EFCAB7: variants seen among roughly 807,000 people sequenced by gnomAD.
The protein encoded by EFCAB7 is EF-hand calcium binding domain 7, also known as EF-hand calcium-binding domain-containing protein 7.
Under a neutral mutation model 77.1 loss-of-function variants are expected in EFCAB7, and 66 were observed. That is an observed-to-expected ratio of 0.86 (90% CI 0.70 to 1.05). EFCAB7 has a LOEUF of 1.05. Ranked by LOEUF, EFCAB7 falls within the 50% of genes least tolerant of loss-of-function variation. EFCAB7 has a pLI of 0.00. For synonymous variants in EFCAB7, 225 were observed against 243.3 expected (o/e 0.92, Z 0.70); for missense variants, 638 against 730.5 (o/e 0.87, Z 1.46).
At chr1:63,578,042 C>G in the EFCAB7 span, among the ~76,000 whole-genome samples, 1 of 152,054 alleles carries the variant, frequency 6.6e-6, no homozygotes, top group Non-Finnish European at 1.5e-5. Flanking sequence ...CTAAGTAGTA[C>G]TACACTAAAA....
At position 63,563,677 on chromosome 1, in the gene EFCAB7, G is replaced by A. The variant is rs542168847; in HGVS notation, c.1497+1820G>A. Among the ~76,000 whole-genome samples the A allele has an allele frequency of 9.3e-4, 142 of 152,234 alleles. 2 individuals are homozygous for A. Among genetic ancestry groups the A allele is most frequent in the African/African-American group, 3.2e-3 (132 of 41,556 alleles). On this transcript the variant is annotated intron_variant, in intron 11 of 13. Coordinates refer to ENST00000371088, the MANE Select transcript of EFCAB7 (RefSeq NM_032437.4). Reference sequence around the variant, plus strand: ...ACATAAGTGTGTTAATTGAAGTGGAGCTGTTCCTCATCAGTTGAACAGATT... The same window carrying A: ...ACATAAGTGTGTTAATTGAAGTGGAACTGTTCCTCATCAGTTGAACAGATT...
chr1:63,523,833 G>C (rs1646524435), intron 1 of EFCAB7, among the ~76,000 whole-genome samples, 199 bp downstream of exon 1: 1 of 152,184 alleles, frequency 6.6e-6, no homozygotes, highest in Admixed American at 6.5e-5. Flanking sequence ...ACCTGTGACG[G>C]TATTTCACTG....
intron 11 of EFCAB7, among the ~76,000 whole-genome samples, chr1:63,562,356 T>C (rs2100920145): frequency 6.7e-6 from 1 of 149,724 alleles, no homozygotes; most frequent in African/African-American, 2.4e-5. Context: ...ATCATCATTA[T>C]TATCATTAAC....
At chr1:63,562,889 T>C (rs955094463) in intron 11 of EFCAB7, among the ~76,000 whole-genome samples, 12 of 152,188 alleles carry the variant, frequency 7.9e-5, no homozygotes, top group African/African-American at 2.9e-4. Context: ...CTTTGACAAA[T>C]TTTATTTTAG....
At chr1:63,579,545 C>G in the EFCAB7 span, among the ~76,000 whole-genome samples, 21 of 152,234 alleles carry the variant, frequency 1.4e-4, no homozygotes, top group Admixed American at 4.6e-4. Context: ...AGTTTTTATT[C>G]CTCTATAGTA....
downstream of EFCAB7, among the ~76,000 whole-genome samples, chr1:63,573,295 G>T (rs1486840094): frequency 6.6e-6 from 1 of 152,056 alleles, no homozygotes; most frequent in Non-Finnish European, 1.5e-5. Context: ...ATGGTAAGGG[G>T]TGATATTGTG....
chr1:63,572,729 CT>C (rs201830983), downstream of EFCAB7: 7,932 of 710,704 alleles, frequency 0.011, no homozygotes, highest in Middle Eastern at 0.016. Context: ...AAATCTTTTT[CT>C]TTTTTTTTTT....
chr1:63,564,579 A>G (rs1458549802), intron 11 of EFCAB7, among the ~76,000 whole-genome samples: 1 of 152,206 alleles, frequency 6.6e-6, no homozygotes, highest in Admixed American at 6.6e-5. Context: ...ACAAATGGAA[A>G]AACATTTGAT....
intron 6 of EFCAB7, among the ~76,000 whole-genome samples, chr1:63,543,081 A>G (rs1646849325): frequency 6.6e-6 from 1 of 152,164 alleles, no homozygotes. Flanking sequence ...TAATTTTAGC[A>G]TATTTAGGTC....
intron 10 of EFCAB7, among the ~76,000 whole-genome samples, chr1:63,560,076 C>G (rs1647077446): frequency 6.6e-6 from 1 of 152,054 alleles, no homozygotes; most frequent in Non-Finnish European, 1.5e-5. Flanking sequence ...CCTCAGCCTC[C>G]CGAGTAGCTG....
At chr1:63,576,832 T>C (rs949770623), downstream of EFCAB7, among the ~76,000 whole-genome samples, 1 of 133,006 alleles carries the variant, frequency 7.5e-6, no homozygotes, top group Non-Finnish European at 1.6e-5. Flanking sequence ...AGAGACTCTG[T>C]CTCAAATAAA....
At chr1:63,574,367 T>C (rs908106720), downstream of EFCAB7, among the ~76,000 whole-genome samples, 1 of 152,188 alleles carries the variant, frequency 6.6e-6, no homozygotes, top group Non-Finnish European at 1.5e-5. Flanking sequence ...CTTGTGAGAC[T>C]GGAAGGAGGT....
intron 11 of EFCAB7, among the ~76,000 whole-genome samples, chr1:63,565,983 G>A (rs919213927): frequency 2.0e-5 from 3 of 152,134 alleles, no homozygotes; most frequent in Non-Finnish European, 2.9e-5. Context: ...ATTCAATCCA[G>A]CAATCCTATT....
At chr1:63,525,855 C>A in intron 2 of EFCAB7, 96 bp downstream of exon 2, 2 of 839,048 alleles carry the variant, frequency 2.4e-6, no homozygotes, top group Non-Finnish European at 3.6e-6. Flanking sequence ...TTGAATCATC[C>A]CAGTTTCTTA....
chr1:63,585,148 AG>A, the EFCAB7 span, among the ~76,000 whole-genome samples: 2,680 of 149,768 alleles, frequency 0.018, 95 homozygotes, highest in African/African-American at 0.064. Flanking sequence ...ATTTTGGAAG[AG>A]GTTTTTTTTT....
intron 7 of EFCAB7, chr1:63,547,153 A>G (rs1381066414): frequency 6.6e-6 from 1 of 152,198 alleles, no homozygotes; most frequent in East Asian, 1.9e-4. Flanking sequence ...TGACAATAAC[A>G]ATAGTTATTT....
chr1:63,526,945 A>G (rs1275779635), intron 2 of EFCAB7, among the ~76,000 whole-genome samples: 1 of 152,154 alleles, frequency 6.6e-6, no homozygotes, highest in East Asian at 1.9e-4. Flanking sequence ...TTGTATTTTT[A>G]GTAGAGACGG....
intron 13 of EFCAB7, among the ~76,000 whole-genome samples, chr1:63,571,670 C>CAAAAAAAAAAAAAAAAAAAAAA (rs10605515): frequency 3.1e-5 from 2 of 65,314 alleles, no homozygotes; most frequent in African/African-American, 6.5e-5. Flanking sequence ...GACTCTGTCT[C>CAAAAAAAAAAAAAAAAAAAAAA]AAAAAAAAAA....
chr1:63,572,421 G>C (rs1315371597), intron 13 of EFCAB7, 21 bp from the exon 14 acceptor site: 1 of 1,563,104 alleles, frequency 6.4e-7, no homozygotes, highest in African/African-American at 1.4e-5. Context: ...GAGAGTAAAA[G>C]CTTTCTATTT....
Sources: gnomAD v4.1 joint callset for allele counts (sites outside exome capture counted in the v4.1 genomes callset) on GRCh38, gnomAD v4.1.1 for gene constraint, MANE v1.5 for transcripts, NCBI Gene and HGNC (gene_info 2026-07-23, HGNC 2026-07-21) for gene names.